Variants in CEP164 observed in about 807,000 individuals in gnomAD.
CEP164 encodes centrosomal protein 164, also known as centrosomal protein of 164 kDa.
Under a neutral mutation model 182.7 loss-of-function variants are expected in CEP164, and 162 were observed. The ratio of observed to expected loss-of-function variants is 0.89; its 90% CI spans 0.78 to 1.01. The LOEUF (loss-of-function observed/expected upper bound fraction) is 1.01. Ranked by LOEUF, CEP164 falls within the 50% of genes least tolerant of loss-of-function variation. CEP164 has a pLI of 0.00. For missense variants in CEP164, 1,735 were observed against 1,790.4 expected (o/e 0.97, Z 0.56); for synonymous variants, 661 against 690.0 (o/e 0.96, Z 0.66).
At chr11:117,392,657 G>T (rs371660396) in intron 19 of CEP164, 30 bp downstream of exon 19, 80 of 1,607,978 alleles carry the variant, frequency 5.0e-5, no homozygotes, top group Non-Finnish European at 6.6e-5. Context: ...CCACAGTCGT[G>T]TGCGCCTGTT....
chr11:117,410,313 A>G (rs757764483), intron 30 of CEP164: 5 of 425,648 alleles, frequency 1.2e-5, no homozygotes, highest in East Asian at 4.7e-5. Context: ...TGTGCAATAC[A>G]TGATGGGCCA....
intron 9 of CEP164, among the ~76,000 whole-genome samples, chr11:117,373,211 A>G (rs982370734): frequency 2.0e-5 from 3 of 152,114 alleles, no homozygotes; most frequent in African/African-American, 7.2e-5. Flanking sequence ...TACTAAAAAT[A>G]CAAAAATTAG....
At chr11:117,375,393 G>C (rs1200624053) in intron 10 of CEP164, among the ~76,000 whole-genome samples, 3 of 151,794 alleles carry the variant, frequency 2.0e-5, no homozygotes, top group Non-Finnish European at 4.4e-5. Context: ...AGTCTCACAG[G>C]GTTATTTTTT....
intron 16 of CEP164, 37 bp downstream of exon 16, chr11:117,390,945 C>G: frequency 6.2e-7 from 1 of 1,613,868 alleles, no homozygotes; most frequent in Non-Finnish European, 8.5e-7. Context: ...CCCAGCCCTG[C>G]GGAGGCGACC....
At chr11:117,359,898 G>A (rs900594097) in intron 5 of CEP164, among the ~76,000 whole-genome samples, 16 of 152,144 alleles carry the variant, frequency 1.1e-4, no homozygotes, top group Non-Finnish European at 4.4e-5. Flanking sequence ...TCCATCTTGC[G>A]GATGAGTAAA....
At position 117,411,162 on chromosome 11, in the gene CEP164, G is replaced by A. The variant is rs2047310415; in HGVS notation, c.4163+268G>A. On this transcript the variant is annotated intron_variant, in intron 31 of 32. Transcript: ENST00000278935. This position sits in a 1 kb window ranked among gnomAD's most constrained non-coding sequence, Gnocchi z 4.4. Reference sequence around the variant, plus strand: ...AACCCCCTGAGGAAGCTGCCCTCTGGCCCCTGTGGGGAGGAGTCAGCCCCT... The same window carrying A: ...AACCCCCTGAGGAAGCTGCCCTCTGACCCCTGTGGGGAGGAGTCAGCCCCT... 2.3e-6 allele frequency: 1 copy of A among 433,078 alleles called. No homozygotes were observed. The highest frequency in any genetic ancestry group is 4.3e-6 in the Non-Finnish European group (1 of 234,042). 26.8% of individuals were successfully genotyped at this position (433,078 alleles called of 1,614,324 possible). A position where few individuals can be genotyped will look rare whatever the true frequency, so the allele number is the denominator to read the frequency against.
At chr11:117,384,318 G>A (rs1039919328) in intron 14 of CEP164, among the ~76,000 whole-genome samples, 8 of 152,202 alleles carry the variant, frequency 5.3e-5, no homozygotes, top group Admixed American at 1.3e-4. Context: ...CAGGAGTGGT[G>A]TATGGAAGGG....
chr11:117,349,523 C>T (rs1356145016), intron 4 of CEP164, among the ~76,000 whole-genome samples: 1 of 152,058 alleles, frequency 6.6e-6, no homozygotes, highest in Non-Finnish European at 1.5e-5. Flanking sequence ...GGGTATTGCT[C>T]TGTTACCCAG....
intron 8 of CEP164, among the ~76,000 whole-genome samples, chr11:117,366,222 T>C (rs2041621599): frequency 6.6e-6 from 1 of 152,044 alleles, no homozygotes; most frequent in Admixed American, 6.6e-5. Flanking sequence ...TGAAAATGGC[T>C]TTTGTCTCAG....
At chr11:117,359,680 T>G (rs1435374491) in intron 5 of CEP164, 3 of 811,058 alleles carry the variant, frequency 3.7e-6, no homozygotes. Context: ...ATTTTAAGTT[T>G]GAGAAATGAA....
rs570768903 is a variant in CEP164, at chr11:117,358,434, C to T, written c.394-3401C>T. Among the ~76,000 whole-genome samples the T allele has an allele frequency of 3.3e-5, 5 of 152,026 alleles. No homozygotes were observed. In the South Asian group the frequency reaches 8.3e-4, roughly 25 times the overall value. Reference sequence around the variant, plus strand: ...TAAATACAGTGTGGGGATAATTTTGCTTGCTGATACATAGGCTGGTTTGAA... The same window carrying T: ...TAAATACAGTGTGGGGATAATTTTGTTTGCTGATACATAGGCTGGTTTGAA... On this transcript the variant is annotated intron_variant, in intron 5 of 32. Transcript: ENST00000278935.
At chr11:117,377,561 C>G (rs2136052747) in intron 11 of CEP164, among the ~76,000 whole-genome samples, 1 of 152,244 alleles carries the variant, frequency 6.6e-6, no homozygotes, top group South Asian at 2.1e-4. Flanking sequence ...AGCAGCAGCC[C>G]CTTCATGGGA....
chr11:117,396,816 C>T (rs1375630671), intron 26 of CEP164, among the ~76,000 whole-genome samples: 2 of 152,208 alleles, frequency 1.3e-5, no homozygotes, highest in Non-Finnish European at 2.9e-5. Flanking sequence ...ATGGCATTCT[C>T]CTCTAGTGGA....
intron 7 of CEP164, 107 bp from the exon 8 acceptor site, chr11:117,363,322 G>A: frequency 2.7e-6 from 2 of 739,382 alleles, no homozygotes; most frequent in Non-Finnish European, 4.7e-6. Context: ...GCCCTGCCTG[G>A]GCCCGCCTGT....
At chr11:117,373,087 G>C (rs1483152937) in intron 9 of CEP164, among the ~76,000 whole-genome samples, 1 of 151,994 alleles carries the variant, frequency 6.6e-6, no homozygotes, top group Non-Finnish European at 1.5e-5. Context: ...AGCTTTTATC[G>C]GCCGGGCACG....
chr11:117,397,635 C>T (rs900075557), intron 27 of CEP164, among the ~76,000 whole-genome samples: 17 of 152,084 alleles, frequency 1.1e-4, no homozygotes, highest in Admixed American at 5.2e-4. Flanking sequence ...TGGCAGGAGG[C>T]GAAAGGCACT....
At chr11:117,354,723 T>C (rs1483357851) in intron 5 of CEP164, among the ~76,000 whole-genome samples, 1 of 151,634 alleles carries the variant, frequency 6.6e-6, no homozygotes, top group Admixed American at 6.6e-5. Context: ...CTTCATTTTT[T>C]AGTTTTTTAA....
chr11:117,377,797 A>G (rs2042909741), intron 11 of CEP164, among the ~76,000 whole-genome samples: 1 of 152,142 alleles, frequency 6.6e-6, no homozygotes, highest in Admixed American at 6.5e-5. Context: ...TACCTTCACA[A>G]CCATCACCAC....
chr11:117,362,623 A>T, intron 7 of CEP164, 85 bp downstream of exon 7: 1 of 1,471,446 alleles, frequency 6.8e-7, no homozygotes, highest in East Asian at 2.3e-5. Context: ...TGATAGAAAA[A>T]ATATGTAACA....
Sources: allele counts gnomAD v4.1 joint callset (sites outside exome capture counted in the v4.1 genomes callset), GRCh38; gene constraint gnomAD v4.1.1; non-coding constraint Gnocchi (gnomAD v3.1); transcripts MANE v1.5; gene names NCBI Gene and HGNC (gene_info 2026-07-23, HGNC 2026-07-21).